DMTF1: variants seen among roughly 807,000 people sequenced by gnomAD.
DMTF1 encodes cyclin D binding myb like transcription factor 1, also known as cyclin-D-binding Myb-like transcription factor 1.
DMTF1 carries 39 observed loss-of-function variants against 91.1 expected under a neutral mutation model. The observed-to-expected ratio is 0.43, with a 90% CI of 0.33 to 0.56. The LOEUF (loss-of-function observed/expected upper bound fraction) is 0.56, where lower values mean the gene tolerates loss of function less well. Among genes scored for constraint, DMTF1 ranks in the 20% least tolerant of loss-of-function variants. The pLI, the probability that DMTF1 is intolerant of heterozygous loss-of-function variation, is 0.05. For missense variants in DMTF1, 750 were observed against 914.5 expected, an observed-to-expected ratio of 0.82 and a Z score of 2.32; for synonymous variants, 338 against 309.5, an observed-to-expected ratio of 1.09 and a Z score of -0.97.
chr7:87,154,961 CAG>C (rs1210533506), intron 1 of DMTF1, among the ~76,000 whole-genome samples: 2 of 152,186 alleles, frequency 1.3e-5, no homozygotes, highest in Admixed American at 6.5e-5. Context: ...CCAAAATCTA[CAG>C]ACTCTAATTT....
At chr7:87,158,423 TAAATC>T (rs1337259165) in intron 1 of DMTF1, among the ~76,000 whole-genome samples, 1 of 152,078 alleles carries the variant, frequency 6.6e-6, no homozygotes, top group Non-Finnish European at 1.5e-5. Context: ...ATTTAAGGAA[TAAATC>T]AAATACATTT....
At position 87,182,273 on chromosome 7, in the gene DMTF1, G is replaced by A. The variant is rs748180758; in HGVS notation, c.756G>A (p.Ala252=). The A allele has an allele frequency of 1.2e-5, 20 of 1,614,004 alleles. No homozygotes were observed. The highest frequency in any genetic ancestry group is 1.7e-5 in the Non-Finnish European group (20 of 1,179,996). Residue 252 remains alanine, a synonymous_variant, in exon 10 of 18, where the codon GCG becomes GCA. Transcript: ENST00000331242. ...HGNDWATIGA[A]LGRSASSVKD... is the part of the protein sequence containing the mutation. The stretch of plus-strand genomic sequence containing the variant: ...ATGACTGGGCAACAATAGGGGCGGC[G>A]CTAGGAAGAAGTGCATCTTCTGTCA...
In DMTF1 at chr7:87,188,203, A is replaced by G; in HGVS notation, c.1313A>G (p.Gln438Arg). Residue 438 changes from glutamine to arginine, a missense_variant, in exon 13 of 18, where the codon CAG (glutamine) becomes CGG (arginine). Physicochemically the swap from Gln to Arg is conservative, Grantham distance 43. This residue lies in a region of DMTF1 where 410 missense variants were observed against 420.2 expected (regional missense o/e 0.98). Coordinates refer to ENST00000331242, the MANE Select transcript of DMTF1 (RefSeq NM_001142327.2). ...AACAGTAATACCAATTCCAGTGTGC[A>G]GCATGTTCAGATAAGAGTTGCCCGC... The part of the protein sequence containing the change: ...VPNSNTNSSV[Q>R]HVQIRVARLE... 1 of 1,614,048 alleles carries G rather than the reference A, an allele frequency of 6.2e-7. No individual in the cohort carries two copies. The highest frequency in any genetic ancestry group is 8.5e-7 in the Non-Finnish European group (1 of 1,179,934).
intron 1 of DMTF1, among the ~76,000 whole-genome samples, chr7:87,158,965 C>A (rs1791502541): frequency 6.6e-6 from 1 of 151,972 alleles, no homozygotes; most frequent in African/African-American, 2.4e-5. Flanking sequence ...CTTTAAAAAA[C>A]TATTATTTGT....
chr7:87,182,323 A>ATACT lies in DMTF1; in HGVS notation c.808_811dup (p.Cys271TyrfsTer21), dbSNP rs1389456686. Reference sequence around the variant, plus strand: ...AAAGATCGGTGCCGACTGATGAAGGATACTTGCAACACAGGTACTGTGACT... The same window carrying ATACT: ...AAAGATCGGTGCCGACTGATGAAGGATACTTACTTGCAACACAGGTACTGTGACT... On this transcript the variant is annotated frameshift_variant, in exon 10 of 18. Transcript: ENST00000331242. LOFTEE classifies it high-confidence loss of function. 1 of 1,613,928 alleles carries ATACT rather than the reference A, an allele frequency of 6.2e-7. No homozygotes were observed.
In DMTF1 at chr7:87,175,409, G is replaced by C. The variant is rs143571846; in HGVS notation, c.519+740G>C. Among the ~76,000 whole-genome samples, 747 of 152,164 alleles carry C rather than the reference G, an allele frequency of 4.9e-3. 23 individuals are homozygous for C. The highest frequency in any genetic ancestry group is 0.046 in the Admixed American group (707 of 15,272). ...AAAATTTAGTTTATTTTCTTATTCA[G>C]GTTTATTTCTTATTAGCTTAGTACT... is the stretch of plus-strand genomic sequence containing the variant. On this transcript the variant is annotated intron_variant, in intron 7 of 17. Transcript: ENST00000331242.
At chr7:87,191,801 C>T (rs1799849958) in intron 14 of DMTF1, among the ~76,000 whole-genome samples, 2 of 152,050 alleles carry the variant, frequency 1.3e-5, no homozygotes. Context: ...TGGAGCATGA[C>T]TGAATGCCCT....
intron 13 of DMTF1, among the ~76,000 whole-genome samples, 180 bp downstream of exon 13, chr7:87,188,481 G>C (rs1798973661): frequency 1.3e-5 from 2 of 152,150 alleles, no homozygotes; most frequent in Non-Finnish European, 2.9e-5. Flanking sequence ...ATGTGTGACA[G>C]GAAGGATGTA....
At chr7:87,175,936 C>G (rs1220801470) in intron 7 of DMTF1, among the ~76,000 whole-genome samples, 1 of 152,156 alleles carries the variant, frequency 6.6e-6, no homozygotes, top group Non-Finnish European at 1.5e-5. Context: ...TGGGGTAAAT[C>G]TGTATTCTCA....
At chr7:87,155,948 A>T (rs1311935815) in intron 1 of DMTF1, among the ~76,000 whole-genome samples, 1 of 151,642 alleles carries the variant, frequency 6.6e-6, no homozygotes, top group African/African-American at 2.4e-5. Flanking sequence ...TTCACTTCCC[A>T]TCAGGTGTTA....
chr7:87,157,148 C>G (rs979029625), intron 1 of DMTF1, among the ~76,000 whole-genome samples: 4 of 152,114 alleles, frequency 2.6e-5, no homozygotes, highest in Non-Finnish European at 4.4e-5. Flanking sequence ...ACTGTCCTTA[C>G]TGCCTTATTA....
intron 14 of DMTF1, 119 bp downstream of exon 14, chr7:87,191,146 T>G (rs1156928777): frequency 6.6e-6 from 4 of 610,616 alleles, no homozygotes; most frequent in Non-Finnish European, 1.1e-5. Flanking sequence ...AATGGTAGAC[T>G]AAATCAGACT....
At position 87,193,865 on chromosome 7, in the gene DMTF1, A is replaced by C; in HGVS notation, c.1791A>C (p.Ser597=). The C allele has an allele frequency of 1.2e-6, 2 of 1,613,450 alleles. No individual in the cohort carries two copies. Among genetic ancestry groups the C allele is most frequent in the Non-Finnish European group, 1.7e-6 (2 of 1,179,628 alleles). The change falls in exon 16 of 18, where the codon TCA becomes TCC. Residue 597 remains serine (S), a synonymous_variant. Transcript: ENST00000331242. ...AELTVDSDIQ[S]SDFPEPPDAL... Reference sequence around the variant, plus strand: ...TGACAGTCGATAGTGATATTCAGTCATCTGATTTTCCTGAGCCTCCAGACG... The same window carrying C: ...TGACAGTCGATAGTGATATTCAGTCCTCTGATTTTCCTGAGCCTCCAGACG...
At position 87,181,307 on chromosome 7, in the gene DMTF1, A is replaced by G; in HGVS notation, c.678-2A>G. 1 of 1,262,554 alleles carries G rather than the reference A, an allele frequency of 7.9e-7. No homozygotes were observed. Among genetic ancestry groups the G allele is most frequent in the Non-Finnish European group, 1.1e-6 (1 of 889,806 alleles). 78.2% of individuals were successfully genotyped at this position (1,262,554 alleles called of 1,614,324 possible). ...TTTTTAAAAATTTCTCTGAATTTCT[A>G]GATATACACCTGAAGAAATTGAGAA... On this transcript the variant is annotated splice_acceptor_variant, in intron 8 of 17. Transcript: ENST00000331242. LOFTEE classifies it high-confidence loss of function.
rs960805184 is a variant in DMTF1, at chr7:87,161,456, C to G, written c.-131-2039C>G. The stretch of plus-strand genomic sequence containing the variant: ...GGCGGAGGTTGCAGTGAGCCAAGAT[C>G]GTGCCACTGCACTACAGCCTGGGCA... On this transcript the variant is annotated intron_variant, in intron 1 of 17. Coordinates refer to ENST00000331242, the MANE Select transcript of DMTF1 (RefSeq NM_001142327.2). Among the ~76,000 whole-genome samples the G allele has an allele frequency of 3.3e-5, 5 of 152,252 alleles. No homozygotes were observed. The South Asian group carries it at 1.0e-3, about 32-fold the overall frequency.
Position 87,185,865 on chromosome 7 carries a change from T to A in DMTF1, c.1086T>A (p.Ile362=). ...AELDVADEND[I]NWDLLAEGWS... ...TTGATGTAGCTGATGAAAATGACATTAACTGGGATCTGTTAGCTGAGGGAT... is the reference window on the plus strand; with the variant it reads ...TTGATGTAGCTGATGAAAATGACATAAACTGGGATCTGTTAGCTGAGGGAT... Residue 362 remains isoleucine, a synonymous_variant, in exon 12 of 18, where the codon ATT becomes ATA. Transcript: ENST00000331242. 1 of 1,613,908 alleles carries A rather than the reference T, an allele frequency of 6.2e-7. No homozygotes were observed. Among genetic ancestry groups the A allele is most frequent in the South Asian group, 1.1e-5 (1 of 91,080 alleles).
At position 87,179,680 on chromosome 7, in the gene DMTF1, G is replaced by C; in HGVS notation, c.655G>C (p.Asp219His). Reference sequence around the variant, plus strand: ...TTATAGAAGAGTGCTTCGCATGTATGATGACAGAAACCATGTGGGAAAGTA... The same window carrying C: ...TTATAGAAGAGTGCTTCGCATGTATCATGACAGAAACCATGTGGGAAAGTA... The part of the protein sequence containing the change: ...AVYRRVLRMY[D>H]DRNHVGKYTP... Residue 219 changes from aspartate (D) to histidine (H), a missense_variant, in exon 8 of 18, where the codon GAT becomes CAT. Around this residue, in one of 3 missense-constraint regions of DMTF1, gnomAD observed 190 missense variants for 343.8 expected, o/e 0.55. Coordinates refer to ENST00000331242, the MANE Select transcript of DMTF1 (RefSeq NM_001142327.2). 1 of 1,578,538 alleles carries C rather than the reference G, an allele frequency of 6.3e-7. No homozygotes were observed. Among genetic ancestry groups the C allele is most frequent in the Non-Finnish European group, 8.6e-7 (1 of 1,167,578 alleles).
At chr7:87,160,503 G>A (rs1792031537) in intron 1 of DMTF1, among the ~76,000 whole-genome samples, 1 of 151,760 alleles carries the variant, frequency 6.6e-6, no homozygotes, top group Non-Finnish European at 1.5e-5. Flanking sequence ...TCGAACTCCT[G>A]ACCTCAGGTG....
chr7:87,180,607 G>C (rs1265732420), intron 8 of DMTF1, among the ~76,000 whole-genome samples: 1 of 152,100 alleles, frequency 6.6e-6, no homozygotes, highest in East Asian at 1.9e-4. Flanking sequence ...TGCTTTGAGG[G>C]AATTTTCTGT....
Sources: allele counts gnomAD v4.1 joint callset (sites outside exome capture counted in the v4.1 genomes callset), GRCh38; gene constraint gnomAD v4.1.1; regional missense constraint gnomAD v4.1.1; transcripts MANE v1.5; gene names NCBI Gene and HGNC (gene_info 2026-07-23, HGNC 2026-07-21).